The following KCTD1 variants were observed in gnomAD, a reference collection of about 807,000 sequenced individuals.
The protein encoded by KCTD1 is potassium channel tetramerization domain containing 1, also known as BTB/POZ domain-containing protein KCTD1.
In KCTD1, 24 loss-of-function variants were observed where a neutral mutation model predicts 66.0. The ratio of observed to expected loss-of-function variants is 0.36; its 90% confidence interval spans 0.26 to 0.51. The LOEUF is 0.51. Ranked by LOEUF, KCTD1 falls within the 20% of genes least tolerant of loss-of-function variation. KCTD1 has a pLI of 0.95. For missense variants in KCTD1, 943 were observed against 1,205.2 expected (o/e 0.78, Z 3.22); for synonymous variants, 511 against 517.2 (o/e 0.99, Z 0.16).
chr18:26,621,164 AAT>A (rs1450698285), intron 1 of KCTD1, among the ~76,000 whole-genome samples: 2 of 152,080 alleles, frequency 1.3e-5, no homozygotes, highest in African/African-American at 4.8e-5. Context: ...TATGCTGAAG[AAT>A]TTATTTCTTT....
chr18:26,509,178 C>T (rs1476873911), intron 1 of KCTD1, among the ~76,000 whole-genome samples: 1 of 151,098 alleles, frequency 6.6e-6, no homozygotes, highest in Non-Finnish European at 1.5e-5. Flanking sequence ...AAAACAAACT[C>T]GGCAGTGATT....
chr18:26,578,054 TTTC>T (rs1279652215), intron 1 of KCTD1, among the ~76,000 whole-genome samples: 3 of 126,092 alleles, frequency 2.4e-5, no homozygotes, highest in Non-Finnish European at 3.3e-5. Context: ...TTTTCTTTTC[TTTC>T]TTTTTTTTTT....
At chr18:26,583,954 G>A (rs1598952310) in intron 1 of KCTD1, among the ~76,000 whole-genome samples, 2 of 152,188 alleles carry the variant, frequency 1.3e-5, no homozygotes, top group African/African-American at 4.8e-5. Context: ...TTGATTTTGA[G>A]TTGGGTCTGT....
At chr18:26,493,051 C>A (rs183023267) in intron 2 of KCTD1, among the ~76,000 whole-genome samples, 1 of 152,178 alleles carries the variant, frequency 6.6e-6, no homozygotes, top group Non-Finnish European at 1.5e-5. Flanking sequence ...GTCCACCCTG[C>A]GGCTGGGATG....
chr18:26,549,237 C>G, upstream of KCTD1: 1 of 986,566 alleles, frequency 1.0e-6, no homozygotes, highest in Non-Finnish European at 1.2e-6. Flanking sequence ...GCGGCTCCCC[C>G]ACCTACTTGC....
At chr18:26,532,013 G>C (rs1187069623) in intron 1 of KCTD1, among the ~76,000 whole-genome samples, 2 of 152,172 alleles carry the variant, frequency 1.3e-5, no homozygotes. Flanking sequence ...TATCTGGAGA[G>C]TGGTAGTTGG....
At chr18:26,524,871 C>T (rs539971321) in intron 1 of KCTD1, among the ~76,000 whole-genome samples, 17 of 152,122 alleles carry the variant, frequency 1.1e-4, no homozygotes, top group African/African-American at 3.1e-4. Flanking sequence ...AGGCACAAAC[C>T]GCATATGCTC....
intron 1 of KCTD1, among the ~76,000 whole-genome samples, chr18:26,541,785 G>A (rs1226840912): frequency 6.6e-6 from 1 of 152,132 alleles, no homozygotes; most frequent in Non-Finnish European, 1.5e-5. Context: ...CATACCCTTT[G>A]CTGTAGTGTA....
At chr18:26,628,212 T>C (rs1987544201) in intron 1 of KCTD1, among the ~76,000 whole-genome samples, 1 of 152,204 alleles carries the variant, frequency 6.6e-6, no homozygotes, top group Non-Finnish European at 1.5e-5. Flanking sequence ...GACCTCAATC[T>C]TCTCACTTGT....
At chr18:26,530,842 A>G (rs778621766) in intron 1 of KCTD1, among the ~76,000 whole-genome samples, 2 of 152,202 alleles carry the variant, frequency 1.3e-5, no homozygotes, top group Non-Finnish European at 2.9e-5. Flanking sequence ...TCTAACCTTC[A>G]CAGCTAAGGA....
At chr18:26,479,607 G>A (rs1981530043) in intron 2 of KCTD1, among the ~76,000 whole-genome samples, 1 of 152,212 alleles carries the variant, frequency 6.6e-6, no homozygotes, top group South Asian at 2.1e-4. Context: ...CAGGCCTGGC[G>A]GAGGTGAAAG....
intron 1 of KCTD1, among the ~76,000 whole-genome samples, chr18:26,636,584 G>T (rs569914601): frequency 6.6e-6 from 1 of 152,112 alleles, no homozygotes; most frequent in Non-Finnish European, 1.5e-5. Flanking sequence ...AAGTAATCGC[G>T]GTTCTTCTTA....
At chr18:26,577,541 TA>T (rs1176153802) in intron 1 of KCTD1, among the ~76,000 whole-genome samples, 1 of 132,386 alleles carries the variant, frequency 7.6e-6, no homozygotes. Context: ...GAGCATTTCT[TA>T]ATTTTTTTTT....
chr18:26,627,721 C>T (rs1019740990), intron 1 of KCTD1, among the ~76,000 whole-genome samples: 37 of 152,136 alleles, frequency 2.4e-4, no homozygotes, highest in Non-Finnish European at 1.5e-5. Context: ...TTCATTTAGG[C>T]TTAGATGCTG....
intron 1 of KCTD1, among the ~76,000 whole-genome samples, chr18:26,590,883 T>C (rs1986585544): frequency 1.3e-5 from 2 of 152,268 alleles, no homozygotes; most frequent in African/African-American, 4.8e-5. Flanking sequence ...ACTAATAATT[T>C]TTTTCTAAAG....
At chr18:26,479,534 G>T (rs556762083) in intron 2 of KCTD1, among the ~76,000 whole-genome samples, 1 of 152,376 alleles carries the variant, frequency 6.6e-6, no homozygotes, top group East Asian at 1.9e-4. Context: ...AGCAGAGCAG[G>T]CAAGGGGTGT....
intron 1 of KCTD1, among the ~76,000 whole-genome samples, chr18:26,620,205 A>T (rs1442333524): frequency 6.6e-6 from 1 of 152,036 alleles, no homozygotes; most frequent in East Asian, 1.9e-4. Context: ...CTGATGACTG[A>T]ATTCCTTATT....
chr18:26,458,999 A>C (rs1980255566), intron 4 of KCTD1: 1 of 152,306 alleles, frequency 6.6e-6, no homozygotes, highest in South Asian at 2.1e-4. Flanking sequence ...AAAAGATGCC[A>C]AAATAAACAA....
rs765325405 is a variant in KCTD1, at chr18:26,476,502, A to G, written c.2133+13T>C. ...ATATTTATGCTATTGGTGATTTAAC[A>G]TGGATCCCTCACCTTGAAATCATCA... On this transcript the variant is annotated intron_variant, in intron 3 of 4. Transcript: ENST00000580059. This position sits in a 1 kb window ranked among gnomAD's most constrained non-coding sequence, Gnocchi z 4.9. 1.9e-6 allele frequency: 3 copies of G among 1,598,588 alleles called. No homozygotes were observed. The highest frequency in any genetic ancestry group is 1.1e-5 in the South Asian group (1 of 87,002).
Sources: gnomAD v4.1 joint callset for allele counts (sites outside exome capture counted in the v4.1 genomes callset) on GRCh38, gnomAD v4.1.1 for gene constraint, Gnocchi (gnomAD v3.1) non-coding constraint, MANE v1.5 for transcripts, NCBI Gene and HGNC (gene_info 2026-07-23, HGNC 2026-07-21) for gene names.